The following ING5 variants were observed in gnomAD, a reference collection of about 807,000 sequenced individuals.
ING5 encodes the protein inhibitor of growth protein 5.
In ING5, 17 loss-of-function variants were observed where a neutral mutation model predicts 37.4. The ratio of observed to expected loss-of-function variants is 0.45; its 90% CI spans 0.31 to 0.68. The LOEUF is 0.68. Ranked by LOEUF, ING5 falls within the 30% of genes least tolerant of loss-of-function variation. The pLI, the probability that ING5 is intolerant of heterozygous loss-of-function variation, is 0.05. For missense variants in ING5, 233 were observed against 311.9 expected (o/e 0.75, Z 1.91); for synonymous variants, 123 against 116.6 (o/e 1.06, Z -0.36).
chr2:241,697,785 A>G (rs886465633), upstream of ING5, among the ~76,000 whole-genome samples: 6 of 152,192 alleles, frequency 3.9e-5, no homozygotes, highest in Non-Finnish European at 5.9e-5. Flanking sequence ...GTCAAAACCT[A>G]TAAGAATGCA....
intron 5 of ING5, among the ~76,000 whole-genome samples, chr2:241,715,466 A>C (rs2070237120): frequency 6.8e-6 from 1 of 147,310 alleles, no homozygotes; most frequent in African/African-American, 2.5e-5. Flanking sequence ...AAAGTGCTGG[A>C]ATAGAATTTT....
At chr2:241,690,385 TAGGC>T in exon 2 of ING5, 1 of 385,066 alleles carries the variant, frequency 2.6e-6, no homozygotes, top group Non-Finnish European at 4.6e-6. Context: ...AGTCCAGTGT[TAGGC>T]AGGCAGGAGC....
chr2:241,712,141 C>A, intron 5 of ING5, 70 bp downstream of exon 5: 1 of 1,219,232 alleles, frequency 8.2e-7, no homozygotes, highest in Non-Finnish European at 1.2e-6. Context: ...TGTAGGAACA[C>A]TGATGGAAGC....
At chr2:241,700,975 T>C (rs1169820045), upstream of ING5, among the ~76,000 whole-genome samples, 1 of 110,426 alleles carries the variant, frequency 9.1e-6, no homozygotes, top group Non-Finnish European at 2.1e-5. Flanking sequence ...TTCTTAAAAT[T>C]TTCTTTTTTT....
intron 1 of ING5, 79 bp downstream of exon 1, chr2:241,702,181 G>C: frequency 2.4e-6 from 2 of 840,764 alleles, no homozygotes; most frequent in Non-Finnish European, 3.0e-6. Flanking sequence ...GCCGGGCACC[G>C]CATGCAGACC....
rs1437643416 is a variant in ING5 at position 241,723,291 on chromosome 2, C to T, written c.680+20C>T. The T allele has an allele frequency of 1.1e-5, 18 of 1,612,252 alleles. No homozygotes were observed. The highest frequency in any genetic ancestry group is 1.5e-5 in the Non-Finnish European group (18 of 1,178,340). On this transcript the variant is annotated intron_variant, in intron 7 of 7. Transcript: ENST00000313552. ...AAAATGGTGAGTGTGGGGACGCTCG[C>T]TCTGTTTTCTCCCAGTCTGCTGGGT... is the stretch of plus-strand genomic sequence containing the variant.
intron 5 of ING5, among the ~76,000 whole-genome samples, chr2:241,719,184 C>T (rs2070361000): frequency 6.6e-6 from 1 of 152,272 alleles, no homozygotes; most frequent in South Asian, 2.1e-4. Context: ...GAGCAGACCC[C>T]TTGCTCGAGA....
At chr2:241,701,600 C>G (rs1004969047), upstream of ING5, among the ~76,000 whole-genome samples, 2 of 152,262 alleles carry the variant, frequency 1.3e-5, no homozygotes, top group African/African-American at 4.8e-5. Flanking sequence ...CTGAGCCAGA[C>G]AGGTCCCAAG....
At chr2:241,702,968 C>T (rs1409672965) in intron 1 of ING5, among the ~76,000 whole-genome samples, 1 of 152,216 alleles carries the variant, frequency 6.6e-6, no homozygotes, top group Non-Finnish European at 1.5e-5. Context: ...GGCCTGGCAC[C>T]CGCCCAGGGG....
upstream of ING5, among the ~76,000 whole-genome samples, chr2:241,699,115 C>T (rs1257794466): frequency 6.6e-6 from 1 of 151,826 alleles, no homozygotes; most frequent in African/African-American, 2.4e-5. Context: ...TCCTCTGCCT[C>T]CTAGGTTCAA....
intron 7 of ING5, chr2:241,723,958 T>A: frequency 8.0e-7 from 1 of 1,256,186 alleles, no homozygotes; most frequent in East Asian, 2.5e-5. Flanking sequence ...TTCAGTGAGC[T>A]GAGATCGCGC....
intron 1 of ING5, among the ~76,000 whole-genome samples, chr2:241,702,608 G>C (rs1479674069): frequency 2.6e-5 from 4 of 152,104 alleles, no homozygotes; most frequent in Admixed American, 2.6e-4. Context: ...GGGAGGGCGT[G>C]CGGGCCGCGG....
At chr2:241,711,853 A>G (rs2070121400) in intron 4 of ING5, 125 bp from the exon 5 acceptor site, 1 of 851,724 alleles carries the variant, frequency 1.2e-6, no homozygotes, top group Non-Finnish European at 1.8e-6. Context: ...GTGAGCTATG[A>G]TTGCTCCGCT....
rs760884415 is a variant in ING5, at chr2:241,702,049, C to A, written c.-17C>A. 1.4e-5 allele frequency: 19 copies of A among 1,384,412 alleles called. No homozygotes were observed. Among genetic ancestry groups the A allele is most frequent in the Non-Finnish European group, 1.7e-5 (18 of 1,064,494 alleles). 85.8% of individuals were successfully genotyped at this position (1,384,412 alleles called of 1,614,324 possible). A position where few individuals can be genotyped will look rare whatever the true frequency, so the allele number is the denominator to read the frequency against. ...ACCGCCCGCCCGCGCAGACCCCGAG[C>A]GCGGCCGCGGACGAAGATGGCGACC... On this transcript the variant is annotated 5_prime_UTR_variant, in exon 1 of 8. Transcript: ENST00000313552.
intron 7 of ING5, chr2:241,723,771 T>C: frequency 6.3e-7 from 1 of 1,598,330 alleles, no homozygotes; most frequent in East Asian, 2.2e-5. Context: ...ATGGCAACTT[T>C]CTGCATTGTT....
At chr2:241,704,401 C>G (rs2069838288) in intron 1 of ING5, among the ~76,000 whole-genome samples, 1 of 152,104 alleles carries the variant, frequency 6.6e-6, no homozygotes, top group South Asian at 2.1e-4. Context: ...AACCCCGTCT[C>G]AACTAAAAAT....
chr2:241,697,063 CAGAG>C (rs1348760895), upstream of ING5, among the ~76,000 whole-genome samples: 1 of 151,838 alleles, frequency 6.6e-6, no homozygotes, highest in South Asian at 2.1e-4. Flanking sequence ...GCTTGGGTGA[CAGAG>C]AGACAGACTC....
intron 5 of ING5, chr2:241,722,185 G>T: frequency 2.0e-6 from 2 of 985,416 alleles, no homozygotes; most frequent in Non-Finnish European, 2.4e-6. Flanking sequence ...TGTGCGGGCT[G>T]CTCTGACACC....
upstream of ING5, among the ~76,000 whole-genome samples, chr2:241,698,344 C>T (rs1243349258): frequency 2.0e-5 from 3 of 151,540 alleles, no homozygotes; most frequent in African/African-American, 7.3e-5. Flanking sequence ...ACTCAGGAGG[C>T]TGAGGCGGGA....
Sources: allele counts gnomAD v4.1 joint callset (sites outside exome capture counted in the v4.1 genomes callset), GRCh38; gene constraint gnomAD v4.1.1; transcripts MANE v1.5; gene names NCBI Gene and HGNC (gene_info 2026-07-23, HGNC 2026-07-21).